Variants in CPNE3 observed in about 807,000 individuals in gnomAD.
CPNE3 encodes the protein copine-3.
Under a neutral mutation model 63.9 loss-of-function variants are expected in CPNE3, and 68 were observed. The observed-to-expected ratio is 1.06, with a 90% CI of 0.87 to 1.30. The LOEUF (loss-of-function observed/expected upper bound fraction) is 1.30, where lower values mean the gene tolerates loss of function less well. Ranked by LOEUF, CPNE3 falls within the 50% of genes most tolerant of loss-of-function variation. The pLI, the probability that CPNE3 is intolerant of heterozygous loss-of-function variation, is 0.00. For synonymous variants in CPNE3, 219 were observed against 197.5 expected, an observed-to-expected ratio of 1.11 and a Z score of -0.91; for missense variants, 665 against 578.1, an observed-to-expected ratio of 1.15 and a Z score of -1.54.
intron 14 of CPNE3, among the ~76,000 whole-genome samples, chr8:86,554,482 C>T (rs1168205089): frequency 6.6e-6 from 1 of 152,150 alleles, no homozygotes; most frequent in Non-Finnish European, 1.5e-5. Context: ...ATTAATAACT[C>T]TTTCTTACCT....
Position 86,537,715 on chromosome 8 carries a change from A to G in CPNE3, c.543+69A>G, listed in dbSNP as rs529743270. 3 of 910,954 alleles carry G rather than the reference A, an allele frequency of 3.3e-6. No homozygotes were observed. In the East Asian group the frequency reaches 7.5e-5, roughly 23 times the overall value. The allele number at this position is 910,954 out of a possible 1,614,324, so 56.4% of individuals were successfully genotyped here. On this transcript the variant is annotated intron_variant, in intron 7 of 16. Transcript: ENST00000517490. ...AATTATTGTAATCTGAATTTTAAAA[A>G]GCTTATATTTATAAAAGTATCAATC... is the stretch of plus-strand genomic sequence containing the variant.
At position 86,559,704 on chromosome 8, in the gene CPNE3, C is replaced by T. The variant is rs1452774759; in HGVS notation, c.*1294C>T. On this transcript the variant is annotated 3_prime_UTR_variant, in exon 17 of 17. Coordinates refer to ENST00000517490, the MANE Select transcript of CPNE3 (RefSeq NM_003909.5). ...CTTTTACAGCGTATTACTTAGTGAA[C>T]ATTACATTTTCAGAATAGATCCTAA... 6.6e-6 allele frequency: 1 copy of T among 151,808 alleles called. No homozygotes were observed. The highest frequency in any genetic ancestry group is 1.5e-5 in the Non-Finnish European group (1 of 67,976). 9.4% of individuals were successfully genotyped at this position (151,808 alleles called of 1,614,324 possible).
chr8:86,560,736 C>T lies in CPNE3; in HGVS notation c.*2326C>T, dbSNP rs1346221565. 5 of 152,112 alleles carry T rather than the reference C, an allele frequency of 3.3e-5. No individual in the cohort carries two copies. Among genetic ancestry groups the T allele is most frequent in the African/African-American group, 1.2e-4 (5 of 41,426 alleles). The allele number at this position is 152,112 out of a possible 1,614,324, so 9.4% of individuals were successfully genotyped here. Reference sequence around the variant, plus strand: ...AAAGCATTTACAATTTCTAAATTATCAGTTTTCACAGTTTCAGCACTCAAC... The same window carrying T: ...AAAGCATTTACAATTTCTAAATTATTAGTTTTCACAGTTTCAGCACTCAAC... On this transcript the variant is annotated 3_prime_UTR_variant, in exon 17 of 17. Transcript: ENST00000517490.
intron 7 of CPNE3, among the ~76,000 whole-genome samples, chr8:86,538,397 C>G (rs1456221222): frequency 2.0e-5 from 3 of 152,010 alleles, no homozygotes; most frequent in African/African-American, 7.2e-5. Context: ...TAAATAAATG[C>G]TACAGCAGGT....
intron 6 of CPNE3, among the ~76,000 whole-genome samples, chr8:86,533,179 C>A (rs1217334373): frequency 6.6e-6 from 1 of 151,948 alleles, no homozygotes; most frequent in Non-Finnish European, 1.5e-5. Context: ...GGTGTGAGCC[C>A]CTGAGCCCAG....
chr8:86,533,257 T>G (rs1586835700), intron 6 of CPNE3, among the ~76,000 whole-genome samples: 1 of 152,220 alleles, frequency 6.6e-6, no homozygotes, highest in East Asian at 1.9e-4. Flanking sequence ...TGAAAACATT[T>G]TAGGGCTAGG....
chr8:86,558,468 C>G lies in CPNE3; in HGVS notation c.*58C>G, dbSNP rs1821371026. On this transcript the variant is annotated 3_prime_UTR_variant, in exon 17 of 17. Transcript: ENST00000517490. ...AGCAATGCCATCTCTCACCCCAAAT[C>G]GTGTATCTGTCATTCTACGTACTTT... The G allele has an allele frequency of 1.2e-6, 1 of 867,720 alleles. No homozygotes were observed. Among genetic ancestry groups the G allele is most frequent in the African/African-American group, 1.6e-5 (1 of 61,360 alleles). 53.8% of individuals were successfully genotyped at this position (867,720 alleles called of 1,614,324 possible). A position where few individuals can be genotyped will look rare whatever the true frequency, so the allele number is the denominator to read the frequency against.
intron 2 of CPNE3, among the ~76,000 whole-genome samples, chr8:86,519,713 C>CT (rs1259013875): frequency 6.6e-6 from 1 of 152,040 alleles, no homozygotes; most frequent in East Asian, 1.9e-4. Context: ...TCAGATATAG[C>CT]TTTTTTTGTT....
At chr8:86,522,607 C>A (rs1468982596) in intron 2 of CPNE3, among the ~76,000 whole-genome samples, 1 of 123,526 alleles carries the variant, frequency 8.1e-6, no homozygotes, top group Non-Finnish European at 1.6e-5. Flanking sequence ...CTATTCTGAG[C>A]AACACAATTT....
At chr8:86,547,977 A>C (rs1395983494) in intron 11 of CPNE3, among the ~76,000 whole-genome samples, 2 of 152,232 alleles carry the variant, frequency 1.3e-5, no homozygotes, top group Admixed American at 6.5e-5. Flanking sequence ...AAGCAGATGT[A>C]TACAAACCTA....
chr8:86,529,394 T>C (rs1018106307), intron 4 of CPNE3, among the ~76,000 whole-genome samples: 1 of 152,172 alleles, frequency 6.6e-6, no homozygotes, highest in East Asian at 1.9e-4. Flanking sequence ...ACCTCCGCTT[T>C]AGCTGCTGCA....
chr8:86,557,983 AT>A (rs1259552707), intron 16 of CPNE3, among the ~76,000 whole-genome samples: 1 of 152,224 alleles, frequency 6.6e-6, no homozygotes, highest in Non-Finnish European at 1.5e-5. Flanking sequence ...AAAAAAATTA[AT>A]ACCAAGTAAG....
At chr8:86,521,672 G>A (rs375801713) in intron 2 of CPNE3, 8 of 152,150 alleles carry the variant, frequency 5.3e-5, no homozygotes, top group African/African-American at 1.9e-4. Flanking sequence ...AAATACCTGG[G>A]TTTATGCTGT....
At chr8:86,547,035 G>T (rs1441298529) in intron 10 of CPNE3, among the ~76,000 whole-genome samples, 1 of 152,138 alleles carries the variant, frequency 6.6e-6, no homozygotes, top group Non-Finnish European at 1.5e-5. Flanking sequence ...ATAATATAAT[G>T]AGATTATATT....
intron 16 of CPNE3, among the ~76,000 whole-genome samples, chr8:86,556,872 A>G (rs777816704): frequency 6.6e-6 from 1 of 152,156 alleles, no homozygotes; most frequent in Non-Finnish European, 1.5e-5. Flanking sequence ...CTTCATTTCT[A>G]TAATCTTATC....
In CPNE3 at chr8:86,556,285, G is replaced by T. The variant is rs1307411225; in HGVS notation, c.1438G>T (p.Glu480Ter). Reference protein sequence around the residue: ...DGGSLRSPLGEVAIRDIVQFV... With the variant: ...DGGSLRSPLG ...TGGAAGTCTCCGCTCCCCATTGGGCGAAGTGGCCATCAGAGATATTGTCCA... is the reference window on the plus strand; with the variant it reads ...TGGAAGTCTCCGCTCCCCATTGGGCTAAGTGGCCATCAGAGATATTGTCCA... Residue 480 changes from glutamate to a stop codon, truncating the protein, a stop_gained, in exon 16 of 17, where the codon GAA becomes TAA. Transcript: ENST00000517490. LOFTEE classifies it high-confidence loss of function. 1.1e-6 allele frequency: 1 copy of T among 873,014 alleles called. No homozygotes were observed. The highest frequency in any genetic ancestry group is 2.4e-5 in the East Asian group (1 of 41,710). The allele number at this position is 873,014 out of a possible 1,614,324, so 54.1% of individuals were successfully genotyped here. A position where few individuals can be genotyped will look rare whatever the true frequency, so the allele number is the denominator to read the frequency against.
intron 8 of CPNE3, among the ~76,000 whole-genome samples, chr8:86,543,317 A>T (rs1462331340): frequency 6.6e-6 from 1 of 152,132 alleles, no homozygotes; most frequent in Non-Finnish European, 1.5e-5. Flanking sequence ...CTCGGTCTTG[A>T]CTGTTTTGAT....
Position 86,537,579 on chromosome 8 carries a change from C to G in CPNE3, c.476C>G (p.Ser159Ter), listed in dbSNP as rs1399482097. The G allele has an allele frequency of 6.2e-7, 1 of 1,604,490 alleles. No individual in the cohort carries two copies. The highest frequency in any genetic ancestry group is 1.7e-5 in the Admixed American group (1 of 59,990). The change falls in exon 7 of 17, where the codon TCA (serine) becomes TGA (stop). Residue 159 changes from serine (S) to a stop codon, truncating the protein, a stop_gained. Transcript: ENST00000517490. LOFTEE classifies it high-confidence loss of function. ...TAAATGTAGGATCTATTTGGAAAGT[C>G]AGACCCATACCTGGAATTCCACAAG... ...KLDNKDLFGK[S>*]DPYLEFHKQT...
At chr8:86,539,892 T>A (rs1820893442) in intron 7 of CPNE3, among the ~76,000 whole-genome samples, 2 of 152,124 alleles carry the variant, frequency 1.3e-5, no homozygotes, top group Admixed American at 1.3e-4. Flanking sequence ...CTCAAACTCC[T>A]GACCTCAGAT....
Sources: gnomAD v4.1 joint callset for allele counts (sites outside exome capture counted in the v4.1 genomes callset) on GRCh38, gnomAD v4.1.1 for gene constraint, MANE v1.5 for transcripts, NCBI Gene and HGNC (gene_info 2026-07-23, HGNC 2026-07-21) for gene names.